The following ASIC2 variants were observed in gnomAD, a reference collection of about 807,000 sequenced individuals.
The protein encoded by ASIC2 is acid-sensing ion channel 2.
A neutral mutation model predicts 57.3 loss-of-function variants in ASIC2; 25 were observed. The observed-to-expected ratio is 0.44, with a 90% CI of 0.32 to 0.61. The LOEUF (loss-of-function observed/expected upper bound fraction) is 0.61. ASIC2 is among the 20% of genes least tolerant of loss of function. ASIC2 has a pLI of 0.06. For synonymous variants in ASIC2, 319 were observed against 307.5 expected (o/e 1.04, Z -0.39); for missense variants, 641 against 738.1 (o/e 0.87, Z 1.52).
intron 1 of ASIC2, among the ~76,000 whole-genome samples, chr17:33,567,576 G>A (rs1402748894): frequency 6.6e-6 from 1 of 152,144 alleles, no homozygotes. Context: ...GTCTCTGGAG[G>A]GAGAAGCGTG....
intron 1 of ASIC2, among the ~76,000 whole-genome samples, chr17:33,359,213 C>T (rs1261752432): frequency 6.6e-6 from 1 of 152,166 alleles, no homozygotes; most frequent in East Asian, 1.9e-4. Flanking sequence ...GCCAAAGAGA[C>T]ATAGCTAACT....
intron 1 of ASIC2, among the ~76,000 whole-genome samples, chr17:33,564,941 C>T (rs1277230766): frequency 2.0e-5 from 3 of 152,218 alleles, no homozygotes; most frequent in Non-Finnish European, 1.5e-5. Flanking sequence ...CCCTTCGTTT[C>T]CCATAAGTGA....
At chr17:33,828,320 A>G (rs1913002376) in intron 1 of ASIC2, 1 of 152,134 alleles carries the variant, frequency 6.6e-6, no homozygotes, top group Non-Finnish European at 1.5e-5. Flanking sequence ...TGATTCACTG[A>G]GGGTCCTCTA....
chr17:34,046,767 T>G (rs1016021841), intron 1 of ASIC2, among the ~76,000 whole-genome samples: 2 of 152,152 alleles, frequency 1.3e-5, no homozygotes, highest in African/African-American at 4.8e-5. Flanking sequence ...TTTTTATGGG[T>G]GATTTTGTTG....
At chr17:33,971,108 G>T (rs191142610) in intron 1 of ASIC2, among the ~76,000 whole-genome samples, 101 of 152,258 alleles carry the variant, frequency 6.6e-4, no homozygotes, top group Admixed American at 1.2e-3. Flanking sequence ...CACTCAAAGG[G>T]CACACAGTGG....
chr17:33,393,890 G>C, intron 1 of ASIC2, among the ~76,000 whole-genome samples: 1 of 152,090 alleles, frequency 6.6e-6, no homozygotes, highest in East Asian at 1.9e-4. Context: ...CTGGGACAGG[G>C]GACCATGCTT....
chr17:33,680,886 T>C (rs1429833605), intron 1 of ASIC2: 1 of 152,232 alleles, frequency 6.6e-6, no homozygotes, highest in Non-Finnish European at 1.5e-5. Flanking sequence ...TTTTTGCATG[T>C]AATTATGTAT....
intron 1 of ASIC2, among the ~76,000 whole-genome samples, chr17:34,051,299 C>T (rs1363068688): frequency 6.6e-6 from 1 of 152,152 alleles, no homozygotes; most frequent in African/African-American, 2.4e-5. Context: ...GGACTAGCAT[C>T]CTGGAGCAGG....
intron 1 of ASIC2, among the ~76,000 whole-genome samples, chr17:33,164,456 T>A (rs1284204226): frequency 6.6e-6 from 1 of 151,872 alleles, no homozygotes; most frequent in East Asian, 1.9e-4. Flanking sequence ...ATGCAGAGTT[T>A]CCTCCAGCCA....
chr17:33,274,885 T>C (rs1904642861), intron 1 of ASIC2, among the ~76,000 whole-genome samples: 3 of 152,084 alleles, frequency 2.0e-5, no homozygotes, highest in Non-Finnish European at 2.9e-5. Flanking sequence ...TTGGGACTCT[T>C]CCTCCACTCT....
chr17:33,565,613 C>T (rs1793155206), intron 1 of ASIC2, among the ~76,000 whole-genome samples: 2 of 152,214 alleles, frequency 1.3e-5, no homozygotes, highest in South Asian at 2.1e-4. Flanking sequence ...GGCCTCCCAC[C>T]TCAGGTGACT....
At chr17:33,193,500 T>C (rs1248842951) in intron 1 of ASIC2, among the ~76,000 whole-genome samples, 1 of 152,180 alleles carries the variant, frequency 6.6e-6, no homozygotes, top group Non-Finnish European at 1.5e-5. Context: ...GGCCAGCTTC[T>C]CTGTTGGAGG....
intron 1 of ASIC2, among the ~76,000 whole-genome samples, chr17:33,743,743 C>T (rs547214748): frequency 1.6e-4 from 24 of 152,322 alleles, no homozygotes; most frequent in African/African-American, 5.8e-4. Context: ...TGAACTATAG[C>T]ATCAGTTCTC....
At chr17:33,839,020 C>T (rs1240692277) in intron 1 of ASIC2, among the ~76,000 whole-genome samples, 1 of 152,132 alleles carries the variant, frequency 6.6e-6, no homozygotes, top group African/African-American at 2.4e-5. Context: ...CAGGTGATGC[C>T]AATGCTGCTA....
At chr17:33,296,519 GA>G (rs765807961), upstream of ASIC2, among the ~76,000 whole-genome samples, 4 of 152,144 alleles carry the variant, frequency 2.6e-5, no homozygotes, top group Non-Finnish European at 5.9e-5. Flanking sequence ...TTAGCATTGT[GA>G]TGTGCCAATC....
intron 1 of ASIC2, among the ~76,000 whole-genome samples, chr17:33,546,752 G>A (rs1368012478): frequency 6.6e-6 from 1 of 152,106 alleles, no homozygotes; most frequent in Admixed American, 6.5e-5. Flanking sequence ...GGAAGAGATG[G>A]GGCTTGAAAC....
chr17:34,116,680 G>T (rs1911432128), intron 1 of ASIC2, among the ~76,000 whole-genome samples: 1 of 152,076 alleles, frequency 6.6e-6, no homozygotes, highest in African/African-American at 2.4e-5. Flanking sequence ...CTAGGGGTGA[G>T]ATTTAAAAGA....
At chr17:34,135,136 T>G (rs1222741640) in intron 1 of ASIC2, among the ~76,000 whole-genome samples, 1 of 152,170 alleles carries the variant, frequency 6.6e-6, no homozygotes, top group East Asian at 1.9e-4. Flanking sequence ...AAGCTCTTAA[T>G]TAATAATTCC....
At chr17:34,138,824 C>A (rs1328176357) in intron 1 of ASIC2, among the ~76,000 whole-genome samples, 1 of 152,198 alleles carries the variant, frequency 6.6e-6, no homozygotes, top group Non-Finnish European at 1.5e-5. Context: ...TACCTTATCC[C>A]TTGTCCATCT....
Sources: gnomAD v4.1 joint callset for allele counts (sites outside exome capture counted in the v4.1 genomes callset) on GRCh38, gnomAD v4.1.1 for gene constraint, MANE v1.5 for transcripts, NCBI Gene and HGNC (gene_info 2026-07-23, HGNC 2026-07-21) for gene names.